HOXC4: variants seen among roughly 807,000 people sequenced by gnomAD.
The protein encoded by HOXC4 is homeobox C4, also known as homeobox protein Hox-C4.
A neutral mutation model predicts 25.5 loss-of-function variants in HOXC4; 15 were observed. The ratio of observed to expected loss-of-function variants is 0.59; its 90% CI spans 0.39 to 0.91. The LOEUF (loss-of-function observed/expected upper bound fraction) is 0.91, where lower values mean the gene tolerates loss of function less well. Among genes scored for constraint, HOXC4 ranks in the 40% least tolerant of loss-of-function variants. HOXC4 has a pLI of 0.00. For synonymous variants in HOXC4, 165 were observed against 148.0 expected (o/e 1.11, Z -0.83); for missense variants, 342 against 352.4 (o/e 0.97, Z 0.24).
chr12:54,054,460 T>G, intron 1 of HOXC4, 99 bp downstream of exon 1: 10 of 689,912 alleles, frequency 1.4e-5, no homozygotes, highest in Non-Finnish European at 2.3e-5. Context: ...CTTTCTCTCC[T>G]TCCCCCTCTC....
chr12:54,054,465 C>CT (rs1937925661), intron 1 of HOXC4, 104 bp downstream of exon 1: 1 of 749,406 alleles, frequency 1.3e-6, no homozygotes, highest in South Asian at 1.9e-5. Flanking sequence ...TCTCCTTCCC[C>CT]CTCTCTCTCC....
intron 1 of HOXC4, chr12:54,021,809 T>A (rs1377320905): frequency 6.6e-6 from 1 of 152,472 alleles, no homozygotes; most frequent in Non-Finnish European, 1.5e-5. Flanking sequence ...CTGTGAGTTG[T>A]TTACTTGTTT....
chr12:54,025,618 C>A lies in HOXC4; in HGVS notation c.-124+8204C>A, dbSNP rs574868289. On this transcript the variant is annotated intron_variant, in intron 1 of 3. Coordinates refer to the HOXC4 transcript ENST00000303406. ...GTATTTCTGTTTCCCCTTCTCTCCC[C>A]CTTCCAGCATTTCTGCCTTTTTCAC... 5.9e-5 allele frequency among the ~76,000 whole-genome samples: 9 copies of A among 152,216 alleles called. No individual in the cohort carries two copies. In the South Asian group the frequency reaches 8.3e-4, roughly 14 times the overall value.
At chr12:54,023,661 G>A (rs529860691) in intron 1 of HOXC4, among the ~76,000 whole-genome samples, 3 of 152,168 alleles carry the variant, frequency 2.0e-5, no homozygotes, top group African/African-American at 4.8e-5. Flanking sequence ...TGGTCAGCCC[G>A]GGCCCTGTCC....
In HOXC4 at chr12:54,048,208, G is replaced by A. The variant is rs184120391; in HGVS notation, c.-123-4952G>A. Among the ~76,000 whole-genome samples, 445 of 152,238 alleles carry A rather than the reference G, an allele frequency of 2.9e-3. 3 individuals carry two copies. Among genetic ancestry groups the A allele is most frequent in the African/African-American group, 0.01 (418 of 41,528 alleles). On this transcript the variant is annotated intron_variant, in intron 1 of 3. Coordinates refer to the HOXC4 transcript ENST00000303406. ...GAAGAGAAAAAAAGGCACACCGGGA[G>A]CTGTGTTTTGTGAGGGGAAGATCTT...
chr12:54,044,103 C>T (rs1937641657), intron 1 of HOXC4, among the ~76,000 whole-genome samples: 1 of 151,862 alleles, frequency 6.6e-6, no homozygotes, highest in Admixed American at 6.6e-5. Flanking sequence ...GTCATAAACG[C>T]CTAGAGTAGG....
At chr12:54,044,581 T>C (rs919588307) in intron 1 of HOXC4, among the ~76,000 whole-genome samples, 2 of 151,790 alleles carry the variant, frequency 1.3e-5, no homozygotes, top group African/African-American at 4.8e-5. Flanking sequence ...TAAGACAGAG[T>C]TCATAGGAGC....
intron 1 of HOXC4, 120 bp downstream of exon 1, chr12:54,054,481 C>T (rs1290697187): frequency 4.5e-6 from 3 of 671,640 alleles, no homozygotes; most frequent in Non-Finnish European, 7.6e-6. Context: ...TCTCCAGGAG[C>T]GACTCTGGGT....
chr12:54,028,126 C>T (rs1940804151), intron 1 of HOXC4, among the ~76,000 whole-genome samples: 1 of 152,110 alleles, frequency 6.6e-6, no homozygotes, highest in South Asian at 2.1e-4. Flanking sequence ...GCTCTGGCCA[C>T]AGCACAGCAA....
rs556608172 is a variant in HOXC4 at position 54,026,050 on chromosome 12, T to A, written c.-124+8636T>A. 3.3e-5 allele frequency among the ~76,000 whole-genome samples: 5 copies of A among 152,322 alleles called. No individual in the cohort carries two copies. The South Asian group carries it at 1.0e-3, about 32-fold the overall frequency. ...TTCCATCATTCAATTTGTTGTACATTGCAACAATTTAATATCTTGAAGGAA... is the reference window on the plus strand; with the variant it reads ...TTCCATCATTCAATTTGTTGTACATAGCAACAATTTAATATCTTGAAGGAA... On this transcript the variant is annotated intron_variant, in intron 1 of 3. Coordinates refer to the HOXC4 transcript ENST00000303406.
intron 1 of HOXC4, among the ~76,000 whole-genome samples, chr12:54,023,977 T>C (rs759410685): frequency 6.6e-6 from 1 of 152,220 alleles, no homozygotes; most frequent in Non-Finnish European, 1.5e-5. Context: ...AAGGAGCTTA[T>C]TTATACACAA....
chr12:54,030,441 C>A (rs576740106), intron 1 of HOXC4: 2 of 153,124 alleles, frequency 1.3e-5, no homozygotes, highest in Non-Finnish European at 2.9e-5. Context: ...CCACACCAAC[C>A]CCCAGGGCCT....
At chr12:54,033,435 C>T (rs1213171677) in intron 1 of HOXC4, 2 of 1,602,446 alleles carry the variant, frequency 1.2e-6, no homozygotes, top group Non-Finnish European at 1.7e-6. Context: ...GAAGGCGGCT[C>T]GCCCGGCGCT....
At chr12:54,029,596 C>T in intron 1 of HOXC4, 1 of 1,545,414 alleles carries the variant, frequency 6.5e-7, no homozygotes, top group Non-Finnish European at 8.8e-7. Context: ...CTAGGCGAAA[C>T]AGTCTGCAGA....
intron 1 of HOXC4, chr12:54,029,755 G>A (rs375750909): frequency 1.2e-4 from 200 of 1,614,044 alleles, no homozygotes; most frequent in Non-Finnish European, 1.6e-4. Context: ...GCTACCTAAC[G>A]CGGCGCCGGC....
At position 54,055,354 on chromosome 12, in the gene HOXC4, CCAAA is replaced by C. The variant is rs1937953311; in HGVS notation, c.*152_*155del. On this transcript the variant is annotated 3_prime_UTR_variant, in exon 2 of 2. Transcript: ENST00000430889. Reference sequence around the variant, plus strand: ...CCTCTCACCTTGTCCCTTGTCAGTTCCAAACAGACAAAACAGATAAACAAACAAG... The same window carrying C: ...CCTCTCACCTTGTCCCTTGTCAGTTCCAGACAAAACAGATAAACAAACAAG... The C allele has an allele frequency of 4.1e-6, 1 of 244,562 alleles. No homozygotes were observed. Among genetic ancestry groups the C allele is most frequent in the Non-Finnish European group, 7.5e-6 (1 of 132,834 alleles). 15.1% of individuals were successfully genotyped at this position (244,562 alleles called of 1,614,324 possible).
chr12:54,026,207 CTG>C (rs1940691093), intron 1 of HOXC4, among the ~76,000 whole-genome samples: 1 of 152,158 alleles, frequency 6.6e-6, no homozygotes, highest in South Asian at 2.1e-4. Flanking sequence ...GCTGGGAACT[CTG>C]AGAGAGGCTA....
At chr12:54,054,488 G>C (rs1191111592) in intron 1 of HOXC4, 127 bp downstream of exon 1, 8 of 658,250 alleles carry the variant, frequency 1.2e-5, no homozygotes, top group Admixed American at 6.1e-5. Context: ...GAGCGACTCT[G>C]GGTTAGCACA....
intron 1 of HOXC4, among the ~76,000 whole-genome samples, chr12:54,026,946 CA>C (rs1940736085): frequency 7.3e-6 from 1 of 137,844 alleles, no homozygotes; most frequent in South Asian, 2.3e-4. Context: ...TCCCCCCCCC[CA>C]ACCCACCCAA....
Sources: allele counts gnomAD v4.1 joint callset (sites outside exome capture counted in the v4.1 genomes callset), GRCh38; gene constraint gnomAD v4.1.1; transcripts MANE v1.5; gene names NCBI Gene and HGNC (gene_info 2026-07-23, HGNC 2026-07-21).